Variants in STEAP2 observed in about 807,000 individuals in gnomAD.
STEAP2 encodes metalloreductase STEAP2.
Under a neutral mutation model 46.4 loss-of-function variants are expected in STEAP2, and 30 were observed. The ratio of observed to expected loss-of-function variants is 0.65; its 90% CI spans 0.48 to 0.88. The LOEUF (loss-of-function observed/expected upper bound fraction) is 0.88. Ranked by LOEUF, STEAP2 falls within the 40% of genes least tolerant of loss-of-function variation. STEAP2 has a pLI of 0.00. For missense variants in STEAP2, 513 were observed against 579.3 expected, an observed-to-expected ratio of 0.89 and a Z score of 1.18; for synonymous variants, 180 against 200.5, an observed-to-expected ratio of 0.90 and a Z score of 0.86.
At position 90,227,338 on chromosome 7, in the gene STEAP2, A is replaced by G; in HGVS notation, c.860A>G (p.Lys287Arg). The G allele has an allele frequency of 6.2e-7, 1 of 1,613,876 alleles. No homozygotes were observed. Among genetic ancestry groups the G allele is most frequent in the Non-Finnish European group, 8.5e-7 (1 of 1,179,842 alleles). ...AAAYQLYYGT[K>R]YRRFPPWLET... is the part of the protein sequence containing the mutation. ...GCTTATCAACTTTATTACGGCACCAAGTATAGGAGATTTCCACCTTGGTTG... is the reference window on the plus strand; with the variant it reads ...GCTTATCAACTTTATTACGGCACCAGGTATAGGAGATTTCCACCTTGGTTG... The change falls in exon 4 of 6, where the codon AAG (lysine) becomes AGG (arginine). Residue 287 changes from lysine to arginine, a missense_variant. Transcript: ENST00000394621.
chr7:90,232,664 C>G lies in STEAP2; in HGVS notation c.*40C>G. On this transcript the variant is annotated 3_prime_UTR_variant, in exon 6 of 6. Coordinates refer to ENST00000394621, the MANE Select transcript of STEAP2 (RefSeq NM_001244944.2). ...CACAGCTGCCATATAAAGTTCTACT[C>G]ATGCCATTATTTTTATGACTTCTAC... is the stretch of plus-strand genomic sequence containing the variant. 7.9e-6 allele frequency: 12 copies of G among 1,527,956 alleles called. No individual in the cohort carries two copies. The highest frequency in any genetic ancestry group is 1.1e-5 in the Non-Finnish European group (12 of 1,137,754). 94.6% of individuals were successfully genotyped at this position (1,527,956 alleles called of 1,614,324 possible). A position where few individuals can be genotyped will look rare whatever the true frequency, so the allele number is the denominator to read the frequency against.
rs531435618 is a variant in STEAP2, at chr7:90,230,354, T to A, written c.1185+318T>A. ...CTTAGATCAAATTTAATGTTGAAAG[T>A]CAATTTATTATTAGCCAAGTGAATG... On this transcript the variant is annotated intron_variant, in intron 5 of 5. Transcript: ENST00000394621. Among the ~76,000 whole-genome samples the A allele has an allele frequency of 9.2e-5, 14 of 152,160 alleles. No homozygotes were observed. In the South Asian group the frequency reaches 1.0e-3, roughly 11 times the overall value.
At chr7:90,216,986 A>C (rs1485629413) in intron 2 of STEAP2, among the ~76,000 whole-genome samples, 1 of 152,170 alleles carries the variant, frequency 6.6e-6, no homozygotes, top group Non-Finnish European at 1.5e-5. Context: ...CATGTGCCAA[A>C]ACAGTGGGAC....
intron 2 of STEAP2, among the ~76,000 whole-genome samples, chr7:90,223,161 G>A (rs1307698094): frequency 2.6e-5 from 4 of 152,178 alleles, no homozygotes; most frequent in Non-Finnish European, 4.4e-5. Flanking sequence ...TCCAAAGGGC[G>A]TGGGTGGATG....
At position 90,233,575 on chromosome 7, in the gene STEAP2, A is replaced by G; in HGVS notation, c.*951A>G. On this transcript the variant is annotated 3_prime_UTR_variant, in exon 6 of 6. Coordinates refer to ENST00000394621, the MANE Select transcript of STEAP2 (RefSeq NM_001244944.2). ...TGCTAGGCATGGTTCTAAGTACTTT[A>G]CTTGTATTATCCCATTTAATACTTA... The G allele has an allele frequency of 1.0e-6, 1 of 959,142 alleles. No individual in the cohort carries two copies. The highest frequency in any genetic ancestry group is 1.2e-6 in the Non-Finnish European group (1 of 806,020). 59.4% of individuals were successfully genotyped at this position (959,142 alleles called of 1,614,324 possible). A position where few individuals can be genotyped will look rare whatever the true frequency, so the allele number is the denominator to read the frequency against.
chr7:90,213,859 A>G (rs1794912735), intron 1 of STEAP2: 2 of 152,216 alleles, frequency 1.3e-5, no homozygotes, highest in South Asian at 4.1e-4. Context: ...AAAGCTCCCA[A>G]GGTACATAAA....
In STEAP2 at chr7:90,233,511, G is replaced by A; in HGVS notation, c.*887G>A. ...CCTTAACCAGTCACCACTTGCTATG[G>A]TATAGGATTATACTGATGTTCTTTG... On this transcript the variant is annotated 3_prime_UTR_variant, in exon 6 of 6. Transcript: ENST00000394621. 1 of 985,350 alleles carries A rather than the reference G, an allele frequency of 1.0e-6. No homozygotes were observed. The highest frequency in any genetic ancestry group is 1.2e-6 in the Non-Finnish European group (1 of 829,908). The allele number at this position is 985,350 out of a possible 1,614,324, so 61.0% of individuals were successfully genotyped here.
intron 2 of STEAP2, among the ~76,000 whole-genome samples, chr7:90,223,429 A>G (rs1795343795): frequency 6.6e-6 from 1 of 152,206 alleles, no homozygotes; most frequent in Admixed American, 6.5e-5. Context: ...TCTGAGCACA[A>G]GAGTGCCTCT....
Position 90,233,969 on chromosome 7 carries a change from C to T in STEAP2, c.*1345C>T. 1 of 985,278 alleles carries T rather than the reference C, an allele frequency of 1.0e-6. No individual in the cohort carries two copies. The highest frequency in any genetic ancestry group is 1.2e-6 in the Non-Finnish European group (1 of 829,894). 61.0% of individuals were successfully genotyped at this position (985,278 alleles called of 1,614,324 possible). A position where few individuals can be genotyped will look rare whatever the true frequency, so the allele number is the denominator to read the frequency against. On this transcript the variant is annotated 3_prime_UTR_variant, in exon 6 of 6. Coordinates refer to ENST00000394621, the MANE Select transcript of STEAP2 (RefSeq NM_001244944.2). Reference sequence around the variant, plus strand: ...TTGCTTGGAACATGAGCCTGGAGACCCATGGCAGTCCATATGCCTCCCTAT... The same window carrying T: ...TTGCTTGGAACATGAGCCTGGAGACTCATGGCAGTCCATATGCCTCCCTAT...
downstream of STEAP2, among the ~76,000 whole-genome samples, chr7:90,238,822 T>A (rs1199296878): frequency 1.3e-5 from 2 of 152,110 alleles, no homozygotes. Flanking sequence ...TTTGAGAAAG[T>A]CAGGCACGGG....
chr7:90,228,959 G>C (rs1795620776), intron 4 of STEAP2, among the ~76,000 whole-genome samples: 2 of 152,176 alleles, frequency 1.3e-5, no homozygotes, highest in Non-Finnish European at 1.5e-5. Context: ...CTAAGAAGCA[G>C]CTTTTCGTTG....
Position 90,225,866 on chromosome 7 carries a change from C to T in STEAP2, c.492+292C>T, listed in dbSNP as rs887526304. Among the ~76,000 whole-genome samples the T allele has an allele frequency of 2.6e-5, 4 of 152,250 alleles. No individual in the cohort carries two copies. The South Asian group carries it at 8.3e-4, about 32-fold the overall frequency. On this transcript the variant is annotated intron_variant, in intron 3 of 5. Transcript: ENST00000394621. ...TGGAACAAGCTTTTATAAGTAAACACATAAAATATGTTTTAAAAATCTTTT... is the reference window on the plus strand; with the variant it reads ...TGGAACAAGCTTTTATAAGTAAACATATAAAATATGTTTTAAAAATCTTTT...
chr7:90,236,972 C>A lies in STEAP2; in HGVS notation c.*4348C>A. On this transcript the variant is annotated 3_prime_UTR_variant, in exon 6 of 6. Transcript: ENST00000394621. Reference sequence around the variant, plus strand: ...ATTGACTCTACTTCTTTAAAAGCGGCTGCCCATTACATTCCTCAGCTGTCC... The same window carrying A: ...ATTGACTCTACTTCTTTAAAAGCGGATGCCCATTACATTCCTCAGCTGTCC... The A allele has an allele frequency of 6.2e-7, 1 of 1,613,756 alleles. No homozygotes were observed. Among genetic ancestry groups the A allele is most frequent in the Non-Finnish European group, 8.5e-7 (1 of 1,179,792 alleles).
At chr7:90,229,668 TC>T (rs1379608359) in intron 4 of STEAP2, among the ~76,000 whole-genome samples, 5 of 152,032 alleles carry the variant, frequency 3.3e-5, no homozygotes, top group African/African-American at 1.2e-4. Flanking sequence ...AGTTTTGTCC[TC>T]CTTTTGTTTA....
In STEAP2 at chr7:90,227,150, A is replaced by G. The variant is rs1795528504; in HGVS notation, c.672A>G (p.Thr224=). The change falls in exon 4 of 6, where the codon ACA becomes ACG. Residue 224 remains threonine, a synonymous_variant. Coordinates refer to ENST00000394621, the MANE Select transcript of STEAP2 (RefSeq NM_001244944.2). Reference sequence around the variant, plus strand: ...TGGTGGTAGCTATAAGCTTGGCCACATTTTTTTTCCTTTATTCCTTTGTCA... The same window carrying G: ...TGGTGGTAGCTATAAGCTTGGCCACGTTTTTTTTCCTTTATTCCTTTGTCA... ...GPVVVAISLA[T]FFFLYSFVRD... The G allele has an allele frequency of 1.2e-6, 2 of 1,613,278 alleles. No homozygotes were observed. Among genetic ancestry groups the G allele is most frequent in the African/African-American group, 1.3e-5 (1 of 74,806 alleles).
chr7:90,240,280 CAAA>C (rs56229485), downstream of STEAP2, among the ~76,000 whole-genome samples: 1 of 146,150 alleles, frequency 6.8e-6, no homozygotes, highest in Non-Finnish European at 1.5e-5. This position sits in a 1 kb window ranked among gnomAD's most constrained non-coding sequence, Gnocchi z 4.1. Flanking sequence ...GACCCTGTCT[CAAA>C]AAAAAAAAAA....
At chr7:90,221,067 A>G (rs1795239491) in intron 2 of STEAP2, among the ~76,000 whole-genome samples, 2 of 152,154 alleles carry the variant, frequency 1.3e-5, no homozygotes, top group Non-Finnish European at 2.9e-5. Flanking sequence ...GAGAATGTCT[A>G]TGTGCTGATG....
intron 2 of STEAP2, among the ~76,000 whole-genome samples, chr7:90,219,675 GT>G (rs910984336): frequency 5.3e-5 from 8 of 152,058 alleles, no homozygotes; most frequent in South Asian, 2.1e-4. Flanking sequence ...ATGTGTGTGT[GT>G]TTTTTTTATG....
At chr7:90,224,059 T>A (rs1795374007) in intron 2 of STEAP2, among the ~76,000 whole-genome samples, 1 of 152,218 alleles carries the variant, frequency 6.6e-6, no homozygotes, top group Admixed American at 6.5e-5. Flanking sequence ...CAGCAGCATT[T>A]GTGATTTGCT....
Sources: allele counts gnomAD v4.1 joint callset (sites outside exome capture counted in the v4.1 genomes callset), GRCh38; gene constraint gnomAD v4.1.1; non-coding constraint Gnocchi (gnomAD v3.1); transcripts MANE v1.5; gene names NCBI Gene and HGNC (gene_info 2026-07-23, HGNC 2026-07-21).